The following LRP1B variants were observed in gnomAD, a reference collection of about 807,000 sequenced individuals.
LRP1B encodes low-density lipoprotein receptor-related protein 1B.
Under a neutral mutation model 556.6 loss-of-function variants are expected in LRP1B, and 217 were observed. The observed-to-expected ratio is 0.39, with a 90% CI of 0.35 to 0.44. The LOEUF (loss-of-function observed/expected upper bound fraction) is 0.44, where lower values mean the gene tolerates loss of function less well. Among genes scored for constraint, LRP1B ranks in the 20% least tolerant of loss-of-function variants. The pLI is 1.00. For synonymous variants in LRP1B, 2,047 were observed against 1,865.8 expected, an observed-to-expected ratio of 1.10 and a Z score of -2.50; for missense variants, 5,053 against 5,620.8, an observed-to-expected ratio of 0.90 and a Z score of 3.23.
chr2:140,555,477 G>T (rs996657899), intron 43 of LRP1B, among the ~76,000 whole-genome samples: 1 of 151,992 alleles, frequency 6.6e-6, no homozygotes, highest in Admixed American at 6.6e-5. Context: ...AATTGTGTTT[G>T]TCATAAGATT....
chr2:141,573,446 T>C (rs1015523295), intron 2 of LRP1B, among the ~76,000 whole-genome samples: 4 of 151,956 alleles, frequency 2.6e-5, no homozygotes, highest in African/African-American at 9.7e-5. Flanking sequence ...GCTAAAGCAG[T>C]GTTAGGAGGG....
At chr2:141,656,207 C>T (rs540325767) in intron 2 of LRP1B, among the ~76,000 whole-genome samples, 29 of 152,206 alleles carry the variant, frequency 1.9e-4, no homozygotes, top group African/African-American at 5.3e-4. Flanking sequence ...TAAAATTAAA[C>T]GGTACTTCTT....
intron 1 of LRP1B, among the ~76,000 whole-genome samples, chr2:142,095,464 T>C (rs776880028): frequency 1.3e-5 from 2 of 151,810 alleles, no homozygotes; most frequent in Admixed American, 6.6e-5. Context: ...CCTAAGTGTG[T>C]GCATGTGTGT....
intron 1 of LRP1B, among the ~76,000 whole-genome samples, chr2:142,015,290 T>C (rs1276691115): frequency 6.6e-6 from 1 of 152,148 alleles, no homozygotes; most frequent in East Asian, 1.9e-4. Flanking sequence ...CCCTATTTAA[T>C]AAATGGGGTT....
chr2:140,321,340 A>C (rs1680112086), intron 82 of LRP1B, among the ~76,000 whole-genome samples: 1 of 151,210 alleles, frequency 6.6e-6, no homozygotes, highest in Non-Finnish European at 1.5e-5. Context: ...TGCATGAATG[A>C]AAAAAATCTT....
intron 21 of LRP1B, among the ~76,000 whole-genome samples, chr2:140,917,759 G>A (rs530423353): frequency 1.1e-4 from 16 of 152,168 alleles, no homozygotes; most frequent in Middle Eastern, 6.8e-3. Flanking sequence ...ATACTATAAT[G>A]ATGGATACAT....
chr2:141,162,869 G>A (rs1351608459), intron 7 of LRP1B, among the ~76,000 whole-genome samples: 2 of 152,128 alleles, frequency 1.3e-5, no homozygotes, highest in African/African-American at 2.4e-5. Flanking sequence ...GTGGTGGACA[G>A]TTAAATATGG....
At chr2:141,631,796 A>G (rs1688920416) in intron 2 of LRP1B, among the ~76,000 whole-genome samples, 1 of 152,188 alleles carries the variant, frequency 6.6e-6, no homozygotes, top group Admixed American at 6.5e-5. Context: ...TGATTCATAG[A>G]TCACCAGTAA....
chr2:140,513,345 G>A lies in LRP1B; in HGVS notation c.8269+1308C>T, dbSNP rs555809672. Among the ~76,000 whole-genome samples, 7 of 152,148 alleles carry A rather than the reference G, an allele frequency of 4.6e-5. No homozygotes were observed. The South Asian group carries it at 8.3e-4, about 18-fold the overall frequency. On this transcript the variant is annotated intron_variant, in intron 51 of 90. Transcript: ENST00000389484. ...AAAGCACAGTGTTATCAACGGGGCA[G>A]TTTAGTGTAGAGTTTAACAAAAGTC... is the stretch of plus-strand genomic sequence containing the variant.
chr2:142,080,943 T>G (rs1705689682), intron 1 of LRP1B, among the ~76,000 whole-genome samples: 1 of 152,176 alleles, frequency 6.6e-6, no homozygotes, highest in South Asian at 2.1e-4. Flanking sequence ...AAGTGGCTAC[T>G]TCCAGTAGGG....
intron 7 of LRP1B, among the ~76,000 whole-genome samples, chr2:141,167,062 A>AT (rs1359066630): frequency 6.6e-6 from 1 of 151,710 alleles, no homozygotes; most frequent in Admixed American, 6.6e-5. Context: ...CTTATTTTTT[A>AT]TTTTTTTATT....
intron 7 of LRP1B, among the ~76,000 whole-genome samples, chr2:141,177,530 G>T (rs548446107): frequency 6.6e-6 from 1 of 152,108 alleles, no homozygotes; most frequent in Non-Finnish European, 1.5e-5. Context: ...GAAGGAAAAA[G>T]AAATGTGTAT....
At chr2:141,599,045 TCCC>T (rs1559166868) in intron 2 of LRP1B, among the ~76,000 whole-genome samples, 4 of 28,966 alleles carry the variant, frequency 1.4e-4, no homozygotes, top group Non-Finnish European at 2.3e-4. Context: ...TTTGTTCAAC[TCCC>T]CCCCGCCCCC....
At chr2:141,677,653 T>C (rs1166977823) in intron 2 of LRP1B, among the ~76,000 whole-genome samples, 7 of 151,958 alleles carry the variant, frequency 4.6e-5, no homozygotes, top group African/African-American at 1.7e-4. Flanking sequence ...CCATGCCCCG[T>C]TAATTTTGTA....
intron 3 of LRP1B, among the ~76,000 whole-genome samples, chr2:141,336,114 C>CAAAAAAAAAAA (rs60102985): frequency 1.1e-5 from 1 of 93,066 alleles, no homozygotes; most frequent in Non-Finnish European, 2.0e-5. Flanking sequence ...CAGACCTGTC[C>CAAAAAAAAAAA]AAAAAAAAAA....
intron 32 of LRP1B, among the ~76,000 whole-genome samples, chr2:140,810,073 G>A (rs1429354): frequency 0.21 from 32,586 of 152,116 alleles, 3,741 homozygotes; most frequent in South Asian, 0.3. Flanking sequence ...TTGGTTTACA[G>A]GTCTTGACTG....
chr2:140,871,509 C>T (rs1410338228), intron 25 of LRP1B, among the ~76,000 whole-genome samples: 4 of 151,984 alleles, frequency 2.6e-5, no homozygotes, highest in African/African-American at 4.8e-5. Context: ...ATGAAGCAAA[C>T]GTGAATCAAA....
intron 86 of LRP1B, among the ~76,000 whole-genome samples, chr2:140,254,623 G>A (rs1354491003): frequency 1.3e-5 from 2 of 151,640 alleles, no homozygotes; most frequent in South Asian, 2.1e-4. Flanking sequence ...GTATGATCTC[G>A]GCTCACTGCA....
intron 2 of LRP1B, among the ~76,000 whole-genome samples, chr2:141,766,240 C>G (rs759789359): frequency 6.6e-6 from 1 of 151,964 alleles, no homozygotes; most frequent in African/African-American, 2.4e-5. Flanking sequence ...TAGGAAAAAC[C>G]TAGGATAAGC....
Sources: gnomAD v4.1 joint callset for allele counts (sites outside exome capture counted in the v4.1 genomes callset) on GRCh38, gnomAD v4.1.1 for gene constraint, MANE v1.5 for transcripts, NCBI Gene and HGNC (gene_info 2026-07-23, HGNC 2026-07-21) for gene names.